COL4A2: variants seen among roughly 807,000 people sequenced by gnomAD.
The protein encoded by COL4A2 is collagen alpha-2(IV) chain.
A neutral mutation model predicts 200.2 loss-of-function variants in COL4A2; 99 were observed. The observed-to-expected ratio is 0.49, with a 90% confidence interval of 0.42 to 0.58. The LOEUF (loss-of-function observed/expected upper bound fraction) is 0.58, where lower values mean the gene tolerates loss of function less well. COL4A2 is among the 20% of genes least tolerant of loss of function. The pLI, the probability that COL4A2 is intolerant of heterozygous loss-of-function variation, is 0.00. For missense variants in COL4A2, 1,950 were observed against 2,314.1 expected (o/e 0.84, Z 3.23); for synonymous variants, 897 against 900.6 (o/e 1.00, Z 0.07).
intron 26 of COL4A2, 40 bp downstream of exon 26, chr13:110,466,102 A>G (rs1392278729): frequency 6.3e-7 from 1 of 1,595,004 alleles, no homozygotes; most frequent in Admixed American, 1.7e-5. Flanking sequence ...ACACTAGAGA[A>G]CTCTCATTTG....
chr13:110,315,422 G>T (rs1467469703), intron 3 of COL4A2, among the ~76,000 whole-genome samples: 1 of 152,126 alleles, frequency 6.6e-6, no homozygotes, highest in Non-Finnish European at 1.5e-5. Context: ...TAGAGGTGGA[G>T]TCTCACTCTG....
intron 22 of COL4A2, among the ~76,000 whole-genome samples, chr13:110,461,785 T>C (rs1882034646): frequency 6.6e-6 from 1 of 152,140 alleles, no homozygotes; most frequent in South Asian, 2.1e-4. Context: ...TCCGCCCACC[T>C]CAGCCTCCCA....
In COL4A2 at chr13:110,367,582, A is replaced by G. The variant is rs563925957; in HGVS notation, c.180+10030A>G. 3.9e-5 allele frequency among the ~76,000 whole-genome samples: 6 copies of G among 152,380 alleles called. No individual in the cohort carries two copies. In the South Asian group the frequency reaches 6.2e-4, roughly 16 times the overall value. Reference sequence around the variant, plus strand: ...TCTTATGAAAATGAGATGTATGTCAAGAGAACCTTACTATCAAAATCAGTT... The same window carrying G: ...TCTTATGAAAATGAGATGTATGTCAGGAGAACCTTACTATCAAAATCAGTT... On this transcript the variant is annotated intron_variant, in intron 4 of 47. Transcript: ENST00000360467.
chr13:110,458,094 G>A (rs563185112), intron 21 of COL4A2: 12 of 469,300 alleles, frequency 2.6e-5, no homozygotes, highest in South Asian at 1.1e-4. Flanking sequence ...GACTTACCAC[G>A]TCTTGGCCGT....
intron 27 of COL4A2, chr13:110,468,199 C>T (rs1882325842): frequency 2.1e-6 from 1 of 471,346 alleles, no homozygotes; most frequent in Non-Finnish European, 4.4e-6. Flanking sequence ...ATCACAGGGC[C>T]TGGGGAGCAC....
At chr13:110,463,954 A>T (rs1882132820) in intron 24 of COL4A2, among the ~76,000 whole-genome samples, 1 of 152,180 alleles carries the variant, frequency 6.6e-6, no homozygotes, top group African/African-American at 2.4e-5. Flanking sequence ...GCAAAGTCAT[A>T]ATTGGTCACT....
intron 4 of COL4A2, among the ~76,000 whole-genome samples, chr13:110,360,982 G>A (rs998065123): frequency 6.6e-6 from 1 of 152,234 alleles, no homozygotes; most frequent in Non-Finnish European, 1.5e-5. Flanking sequence ...AGCACACAGG[G>A]CTGCTCTGTT....
At chr13:110,495,835 G>A (rs1007839373) in intron 40 of COL4A2, among the ~76,000 whole-genome samples, 3 of 152,274 alleles carry the variant, frequency 2.0e-5, no homozygotes, top group African/African-American at 7.2e-5. Flanking sequence ...GCAGAGCCAC[G>A]CTGACCCATA....
intron 16 of COL4A2, among the ~76,000 whole-genome samples, chr13:110,440,638 A>G (rs531003354): frequency 2.8e-4 from 43 of 152,312 alleles, no homozygotes; most frequent in Non-Finnish European, 5.1e-4. Context: ...AAAGAAATGT[A>G]TTATGAATCT....
chr13:110,326,085 C>G (rs900703629), intron 3 of COL4A2, among the ~76,000 whole-genome samples: 32 of 152,290 alleles, frequency 2.1e-4, no homozygotes, highest in Non-Finnish European at 1.3e-4. Flanking sequence ...CAAGCCCAGC[C>G]CCGAATTTCA....
At chr13:110,433,147 T>C (rs6492273) in intron 11 of COL4A2, among the ~76,000 whole-genome samples, 102,338 of 152,194 alleles carry the variant, frequency 0.67, 35,040 homozygotes, top group East Asian at 0.84. Flanking sequence ...CCCTGGTGAC[T>C]ACAGCTGCCA....
rs754159793 is a variant in COL4A2, at chr13:110,504,318, C to T, written c.4402+54C>T. On this transcript the variant is annotated intron_variant, in intron 45 of 47. Coordinates refer to ENST00000360467, the MANE Select transcript of COL4A2 (RefSeq NM_001846.4). ...AGGTCCTAGTGCTCTGGATCTGACT[C>T]ACAGACTGTGGTCTGCAGGAAGGGG... is the stretch of plus-strand genomic sequence containing the variant. The T allele has an allele frequency of 2.8e-6, 4 of 1,442,924 alleles. No homozygotes were observed. The African/African-American group carries it at 4.2e-5, about 15-fold the overall frequency. The allele number at this position is 1,442,924 out of a possible 1,614,324, so 89.4% of individuals were successfully genotyped here.
chr13:110,462,374 C>T lies in COL4A2; in HGVS notation c.1766C>T (p.Pro589Leu). Residue 589 changes from proline (P) to leucine (L), a missense_variant, in exon 24 of 48, where the codon CCA becomes CTA. Pro to Leu is a moderately conservative substitution (Grantham distance 98, BLOSUM62 -3). Coordinates refer to ENST00000360467, the MANE Select transcript of COL4A2 (RefSeq NM_001846.4). Reference sequence around the variant, plus strand: ...GGGCTCGATGGATTCCCCGGCCTCCCAGGCCCTCCCGTGAGTAGCCACAAA... The same window carrying T: ...GGGCTCGATGGATTCCCCGGCCTCCTAGGCCCTCCCGTGAGTAGCCACAAA... ...RDGLDGFPGL[P>L]GPPGDGIKGP... The T allele has an allele frequency of 3.1e-6, 5 of 1,613,000 alleles. No individual in the cohort carries two copies. Among genetic ancestry groups the T allele is most frequent in the Non-Finnish European group, 4.2e-6 (5 of 1,179,926 alleles).
At chr13:110,447,793 G>GT (rs1330371568) in intron 18 of COL4A2, among the ~76,000 whole-genome samples, 6 of 152,158 alleles carry the variant, frequency 3.9e-5, no homozygotes, top group African/African-American at 1.4e-4. Flanking sequence ...GAAGGGTAGG[G>GT]TTTTTTAAAT....
At chr13:110,459,072 C>G in intron 22 of COL4A2, 138 bp downstream of exon 22, 1 of 859,904 alleles carries the variant, frequency 1.2e-6, no homozygotes. Context: ...CTAAACCATT[C>G]TAAAAACCCA....
At position 110,313,546 on chromosome 13, in the gene COL4A2, G is replaced by A. The variant is rs1195846306; in HGVS notation, c.99+5423G>A. Reference sequence around the variant, plus strand: ...GCAGGCTCCCACCCCGGTGCCCCGCGTCCACCCGGCAGGCTCCCACCCCAG... The same window carrying A: ...GCAGGCTCCCACCCCGGTGCCCCGCATCCACCCGGCAGGCTCCCACCCCAG... On this transcript the variant is annotated intron_variant, in intron 3 of 47. Transcript: ENST00000360467. 3.3e-5 allele frequency among the ~76,000 whole-genome samples: 4 copies of A among 120,202 alleles called. 1 individual carries two copies. The highest frequency in any genetic ancestry group is 1.6e-4 in the Admixed American group (2 of 12,370). The allele number at this position is 120,202 out of a possible 152,430, so 78.9% of individuals were successfully genotyped here. A position where few individuals can be genotyped will look rare whatever the true frequency, so the allele number is the denominator to read the frequency against.
Position 110,359,027 on chromosome 13 carries a change from A to G in COL4A2, c.180+1475A>G, listed in dbSNP as rs752977758. 1.2e-4 allele frequency among the ~76,000 whole-genome samples: 18 copies of G among 152,342 alleles called. 1 individual carries two copies. The highest frequency in any genetic ancestry group is 3.4e-3 in the Middle Eastern group (1 of 294). On this transcript the variant is annotated intron_variant, in intron 4 of 47. Coordinates refer to ENST00000360467, the MANE Select transcript of COL4A2 (RefSeq NM_001846.4). ...AATGTCATAAAAATATTCTGTAAAG[A>G]AAAAAGTAGTTGCATTTATACTGCA...
chr13:110,439,094 AG>A (rs1180769378), intron 15 of COL4A2, among the ~76,000 whole-genome samples: 1 of 152,192 alleles, frequency 6.6e-6, no homozygotes, highest in Non-Finnish European at 1.5e-5. Flanking sequence ...AGGGTCGGGA[AG>A]GGGTCACCGT....
chr13:110,405,612 G>A (rs573032702), intron 4 of COL4A2, among the ~76,000 whole-genome samples: 1 of 152,372 alleles, frequency 6.6e-6, no homozygotes, highest in African/African-American at 2.4e-5. Context: ...CCAGTCACCT[G>A]ATCTCAGCTC....
Sources: allele counts gnomAD v4.1 joint callset (sites outside exome capture counted in the v4.1 genomes callset), GRCh38; gene constraint gnomAD v4.1.1; transcripts MANE v1.5; gene names NCBI Gene and HGNC (gene_info 2026-07-23, HGNC 2026-07-21).